Variants in NSUN6 observed in about 807,000 individuals in gnomAD.
The protein encoded by NSUN6 is NOP2/Sun RNA methyltransferase 6.
Under a neutral mutation model 58.0 loss-of-function variants are expected in NSUN6, and 64 were observed. The ratio of observed to expected loss-of-function variants is 1.10; its 90% CI spans 0.90 to 1.36. The LOEUF is 1.36. Among genes scored for constraint, NSUN6 ranks in the 40% most tolerant of loss-of-function variants. NSUN6 has a pLI of 0.00. For missense variants in NSUN6, 701 were observed against 550.1 expected (o/e 1.27, Z -2.74); for synonymous variants, 231 against 193.9 (o/e 1.19, Z -1.59).
chr10:18,584,613 A>G (rs2057045589), intron 8 of NSUN6, among the ~76,000 whole-genome samples: 1 of 152,220 alleles, frequency 6.6e-6, no homozygotes, highest in African/African-American at 2.4e-5. Flanking sequence ...AAAAAAGGTA[A>G]TATTCAAAAA....
chr10:18,617,905 G>A (rs375542103), intron 3 of NSUN6, among the ~76,000 whole-genome samples: 65 of 152,292 alleles, frequency 4.3e-4, no homozygotes, highest in African/African-American at 1.4e-3. Context: ...GATGCAGCAA[G>A]AAAGCCCTCA....
chr10:18,649,775 T>C (rs1039983433), intron 1 of NSUN6, among the ~76,000 whole-genome samples: 2 of 152,212 alleles, frequency 1.3e-5, no homozygotes, highest in African/African-American at 2.4e-5. Flanking sequence ...ATCTTCTTTA[T>C]AAAACGACGT....
intron 3 of NSUN6, among the ~76,000 whole-genome samples, chr10:18,637,239 A>C (rs74944503): frequency 6.6e-6 from 1 of 152,186 alleles, no homozygotes. Flanking sequence ...CTGGGATTAC[A>C]GGCGTGAGCC....
chr10:18,584,685 T>G (rs113832090), intron 8 of NSUN6, among the ~76,000 whole-genome samples: 3 of 152,110 alleles, frequency 2.0e-5, no homozygotes, highest in East Asian at 1.9e-4. Context: ...AAAGAACAAC[T>G]AGCTCTGAGG....
In NSUN6 at chr10:18,545,801, A is replaced by G. The variant is rs1193665454; in HGVS notation, c.*132T>C. ...TATGTCTCTGGATCCCTGGTAAAAC[A>G]GCTGGCAGCCTTTTCTGTTTCCATA... On this transcript the variant is annotated 3_prime_UTR_variant, in exon 11 of 11. Transcript: ENST00000377304. 1 of 661,910 alleles carries G rather than the reference A, an allele frequency of 1.5e-6. No individual in the cohort carries two copies. The highest frequency in any genetic ancestry group is 2.6e-5 in the East Asian group (1 of 38,104). 41.0% of individuals were successfully genotyped at this position (661,910 alleles called of 1,614,324 possible). A position where few individuals can be genotyped will look rare whatever the true frequency, so the allele number is the denominator to read the frequency against.
At chr10:18,602,095 G>A (rs532083250) in intron 6 of NSUN6, among the ~76,000 whole-genome samples, 4 of 151,702 alleles carry the variant, frequency 2.6e-5, no homozygotes, top group Admixed American at 2.6e-4. Flanking sequence ...ATGGTGTTTC[G>A]CTCTGTCACC....
At chr10:18,627,780 G>C (rs1380769816) in intron 3 of NSUN6, among the ~76,000 whole-genome samples, 2 of 152,260 alleles carry the variant, frequency 1.3e-5, no homozygotes, top group Non-Finnish European at 2.9e-5. Context: ...CTCGCTGATT[G>C]CTAACGCAGC....
chr10:18,546,224 C>T, intron 10 of NSUN6, 79 bp from the exon 11 acceptor site: 1 of 1,000,780 alleles, frequency 1.0e-6, no homozygotes, highest in Non-Finnish European at 1.6e-6. Flanking sequence ...AGTTAAAAGA[C>T]AAATTGGGCT....
intron 8 of NSUN6, among the ~76,000 whole-genome samples, chr10:18,562,624 C>A (rs1227577331): frequency 7.5e-6 from 1 of 132,612 alleles, no homozygotes; most frequent in Non-Finnish European, 1.6e-5. Context: ...GAATGAAATA[C>A]AGAATGGAAG....
chr10:18,609,834 T>A lies in NSUN6; in HGVS notation c.657+11A>T. ...AATGTCACTAAATATTTTACTTTTA[T>A]ACATACTTACTTGTAAAAATAAGTA... On this transcript the variant is annotated intron_variant, in intron 6 of 10. Coordinates refer to ENST00000377304, the MANE Select transcript of NSUN6 (RefSeq NM_182543.5). 7.3e-7 allele frequency: 1 copy of A among 1,364,448 alleles called. No individual in the cohort carries two copies. Among genetic ancestry groups the A allele is most frequent in the East Asian group, 2.3e-5 (1 of 43,708 alleles). The allele number at this position is 1,364,448 out of a possible 1,614,324, so 84.5% of individuals were successfully genotyped here. A position where few individuals can be genotyped will look rare whatever the true frequency, so the allele number is the denominator to read the frequency against.
chr10:18,597,450 C>T (rs1437088171), intron 6 of NSUN6, among the ~76,000 whole-genome samples: 1 of 152,124 alleles, frequency 6.6e-6, no homozygotes, highest in African/African-American at 2.4e-5. Flanking sequence ...AAAGACTGAA[C>T]AATACATCCA....
At chr10:18,554,063 G>A (rs1168535821) in intron 8 of NSUN6, among the ~76,000 whole-genome samples, 1 of 151,616 alleles carries the variant, frequency 6.6e-6, no homozygotes, top group African/African-American at 2.4e-5. Context: ...GAATGGAATG[G>A]AGAATAGAAT....
rs1480940241 is a variant in NSUN6, at chr10:18,548,064, T to C, written c.1197+48A>G. The C allele has an allele frequency of 3.1e-6, 5 of 1,588,802 alleles. 1 individual carries two copies. In the South Asian group the frequency reaches 4.5e-5, roughly 14 times the overall value. On this transcript the variant is annotated intron_variant, in intron 10 of 10. Transcript: ENST00000377304. ...CACCCTGATTACCACAGTGCTTCAG[T>C]TTCTGTGATTTATCTTATTACACAG... is the stretch of plus-strand genomic sequence containing the variant.
At chr10:18,572,577 T>C (rs1443487285) in intron 8 of NSUN6, among the ~76,000 whole-genome samples, 2 of 149,234 alleles carry the variant, frequency 1.3e-5, no homozygotes, top group Non-Finnish European at 3.0e-5. Flanking sequence ...CCTTTCCTTT[T>C]ATTCTATTTC....
chr10:18,645,567 T>C (rs1258804745), intron 2 of NSUN6, among the ~76,000 whole-genome samples: 1 of 152,250 alleles, frequency 6.6e-6, no homozygotes, highest in African/African-American at 2.4e-5. Flanking sequence ...TTCTAGTTCA[T>C]AATTTTTATT....
intron 8 of NSUN6, among the ~76,000 whole-genome samples, chr10:18,561,114 G>A (rs533032127): frequency 7.3e-6 from 1 of 137,408 alleles, no homozygotes; most frequent in East Asian, 2.5e-4. Context: ...AAAAGGAATA[G>A]AATATAGAAT....
chr10:18,575,757 G>C (rs2056616076), intron 8 of NSUN6, among the ~76,000 whole-genome samples: 1 of 152,180 alleles, frequency 6.6e-6, no homozygotes. Context: ...CTCCTTATGA[G>C]ATGCTCTATG....
chr10:18,610,391 G>A (rs928914847), intron 5 of NSUN6, among the ~76,000 whole-genome samples: 5 of 152,138 alleles, frequency 3.3e-5, no homozygotes, highest in African/African-American at 1.2e-4. Context: ...AATACATAAA[G>A]TAGTCCTGTG....
At chr10:18,596,531 C>T (rs1054331563) in intron 6 of NSUN6, among the ~76,000 whole-genome samples, 3 of 152,126 alleles carry the variant, frequency 2.0e-5, no homozygotes, top group Non-Finnish European at 4.4e-5. Flanking sequence ...TACACACAAA[C>T]CACCTGCGCA....
Sources: gnomAD v4.1 joint callset for allele counts (sites outside exome capture counted in the v4.1 genomes callset) on GRCh38, gnomAD v4.1.1 for gene constraint, MANE v1.5 for transcripts, NCBI Gene and HGNC (gene_info 2026-07-23, HGNC 2026-07-21) for gene names.